The following SPTBN5 variants were observed in gnomAD, a reference collection of about 807,000 sequenced individuals.
SPTBN5 encodes the protein spectrin beta, non-erythrocytic 5, also known as spectrin beta chain, non-erythrocytic 5.
In SPTBN5, 513 loss-of-function variants were observed where a neutral mutation model predicts 477.6. The ratio of observed to expected loss-of-function variants is 1.07; its 90% confidence interval spans 1.00 to 1.16. SPTBN5 has a LOEUF of 1.16. Ranked by LOEUF, SPTBN5 falls within the 50% of genes most tolerant of loss-of-function variation. SPTBN5 has a pLI of 0.00. For missense variants in SPTBN5, 5,062 were observed against 4,731.8 expected, an observed-to-expected ratio of 1.07 and a Z score of -2.05; for synonymous variants, 2,169 against 2,011.7, an observed-to-expected ratio of 1.08 and a Z score of -2.09.
chr15:41,850,145 G>A (rs139039594), intron 66 of SPTBN5, 186 bp from the exon 67 acceptor site: 464 of 593,828 alleles, frequency 7.8e-4, no homozygotes, highest in African/African-American at 7.7e-3. Flanking sequence ...TCCCCCATGC[G>A]TCCTGCCTCT....
Position 41,854,836 on chromosome 15 carries a change from G to A in SPTBN5, c.9564C>T (p.Ser3188=). 6.3e-7 allele frequency: 1 copy of A among 1,596,344 alleles called. No individual in the cohort carries two copies. The highest frequency in any genetic ancestry group is 1.1e-5 in the South Asian group (1 of 88,404). The change falls in exon 56 of 68, where the codon AGC becomes AGT. Residue 3188 remains serine (S), a synonymous_variant. Transcript: ENST00000320955. Reference sequence around the variant, plus strand: ...ACCTCTCCCAAGCAGCCTCAATGCGGCTCCTCTGGGCTTGGATGTGGGGAT... The same window carrying A: ...ACCTCTCCCAAGCAGCCTCAATGCGACTCCTCTGGGCTTGGATGTGGGGAT... ...RRYPHIQAQR[S]RIEAAWERLD... is the part of the protein sequence containing the mutation.
At position 41,857,317 on chromosome 15, in the gene SPTBN5, C is replaced by T. The variant is rs368418064; in HGVS notation, c.8542G>A (p.Gly2848Ser). 6.4e-7 allele frequency: 1 copy of T among 1,568,170 alleles called. No individual in the cohort carries two copies. The highest frequency in any genetic ancestry group is 8.6e-7 in the Non-Finnish European group (1 of 1,157,104). Residue 2848 changes from glycine to serine, a missense_variant, in exon 51 of 68, where the codon GGC (glycine) becomes AGC (serine). Transcript: ENST00000320955. ...TCCCTCACAAAGGCCTGGGCCTGGC[C>T]CAGCAGTGCCTCAGCCTGCCTGGCC... ...KKARQAEALLGQAQAFVREGH... is the reference protein window; with the variant it reads ...KKARQAEALLSQAQAFVREGH...
chr15:41,866,844 G>A, intron 36 of SPTBN5, 115 bp downstream of exon 36: 5 of 1,335,128 alleles, frequency 3.7e-6, no homozygotes, highest in Middle Eastern at 2.1e-4. Context: ...CAGCCTCTGG[G>A]AAAGCCATCC....
rs781250356 is a variant in SPTBN5 at position 41,890,121 on chromosome 15, G to T, written c.469C>A (p.Arg157Ser). ...AAGGAGATGTGGGAGATCTGGAAAC[G>T]CAGAATGATGACCCAGATGAGTCCC... ...ILGLIWVIIL[R>S]FQISHISLDK... is the part of the protein sequence containing the mutation. The change falls in exon 4 of 68, where the codon CGT becomes AGT. Residue 157 changes from arginine (R) to serine (S), a missense_variant. Coordinates refer to ENST00000320955, the MANE Select transcript of SPTBN5 (RefSeq NM_016642.4). The T allele has an allele frequency of 6.2e-7, 1 of 1,612,586 alleles. No homozygotes were observed.
intron 66 of SPTBN5, 124 bp from the exon 67 acceptor site, chr15:41,850,083 G>C: frequency 1.2e-6 from 1 of 821,872 alleles, no homozygotes; most frequent in Non-Finnish European, 2.0e-6. Flanking sequence ...GCTATGCCAG[G>C]CCCTTCCCAC....
intron 62 of SPTBN5, 70 bp from the exon 63 acceptor site, chr15:41,851,920 T>G: frequency 1.6e-6 from 2 of 1,243,224 alleles, no homozygotes; most frequent in Non-Finnish European, 2.3e-6. Context: ...AGGCACCCAC[T>G]GCCCCCAGCT....
intron 29 of SPTBN5, among the ~76,000 whole-genome samples, chr15:41,870,982 T>C (rs2066514754): frequency 6.6e-6 from 1 of 152,256 alleles, no homozygotes; most frequent in African/African-American, 2.4e-5. Flanking sequence ...GAGCAAGTCA[T>C]GACCTTGCCT....
Position 41,882,613 on chromosome 15 carries a change from T to C in SPTBN5, c.2018A>G (p.Gln673Arg), listed in dbSNP as rs376160803. ...GNAALGRDLSQIAGALQKHKA... is the reference protein window; with the variant it reads ...GNAALGRDLSRIAGALQKHKA... ...GTGTTTCTGCAGGGCGCCTGCGATC[T>C]GGCTGAGATCCCGGCCCAGGGCCGC... The change falls in exon 10 of 68, where the codon CAG (glutamine) becomes CGG (arginine). Residue 673 changes from glutamine to arginine, a missense_variant. Transcript: ENST00000320955. The C allele has an allele frequency of 1.3e-5, 21 of 1,605,604 alleles. 1 individual carries two copies. In the African/African-American group the frequency reaches 2.5e-4, roughly 19 times the overall value.
At chr15:41,864,084 C>A in intron 39 of SPTBN5, 60 bp from the exon 40 acceptor site, 2 of 1,429,620 alleles carry the variant, frequency 1.4e-6, no homozygotes, top group Non-Finnish European at 1.9e-6. Context: ...CTTCTTCCCA[C>A]CTCAGCAGGC....
Position 41,862,731 on chromosome 15 carries a change from T to C in SPTBN5, c.7263+59A>G, listed in dbSNP as rs932642631. ...GCCACCCAAGCCCCTCCTCCCCACT[T>C]GTGCCCAGGGTCCTACTCAGGAGAT... is the stretch of plus-strand genomic sequence containing the variant. On this transcript the variant is annotated intron_variant, in intron 42 of 67. Transcript: ENST00000320955. 4.7e-5 allele frequency: 73 copies of C among 1,542,850 alleles called. No individual in the cohort carries two copies. In the African/African-American group the frequency reaches 8.2e-4, roughly 17 times the overall value.
rs759663692 is a variant in SPTBN5, at chr15:41,877,250, G to T, written c.3577C>A (p.Leu1193Met). 3.7e-6 allele frequency: 6 copies of T among 1,613,866 alleles called. No individual in the cohort carries two copies. In the South Asian group the frequency reaches 5.5e-5, roughly 15 times the overall value. Residue 1193 changes from leucine (L) to methionine (M), a missense_variant, in exon 18 of 68, where the codon CTG becomes ATG. Coordinates refer to ENST00000320955, the MANE Select transcript of SPTBN5 (RefSeq NM_016642.4). ...LRVLGQQGQE[L>M]KVLWEQRQQW... is the part of the protein sequence containing the mutation. Reference sequence around the variant, plus strand: ...TGCCTCTGCTCCCACAAAACCTTCAGCTCCTGGCCCTGCTGCCCCAGGACC... The same window carrying T: ...TGCCTCTGCTCCCACAAAACCTTCATCTCCTGGCCCTGCTGCCCCAGGACC...
Position 41,882,932 on chromosome 15 carries a change from C to A in SPTBN5, c.1892+64G>T, listed in dbSNP as rs1396254398. 2.1e-6 allele frequency: 3 copies of A among 1,456,532 alleles called. No individual in the cohort carries two copies. In the African/African-American group the frequency reaches 4.2e-5, roughly 20 times the overall value. The allele number at this position is 1,456,532 out of a possible 1,614,324, so 90.2% of individuals were successfully genotyped here. On this transcript the variant is annotated intron_variant, in intron 9 of 67. Coordinates refer to ENST00000320955, the MANE Select transcript of SPTBN5 (RefSeq NM_016642.4). ...CAGGCCAACAGTACTTTAACCTGGG[C>A]AGGAGATAATTTGGGTTACAGAAAA...
chr15:41,880,341 G>C, intron 13 of SPTBN5, 29 bp from the exon 14 acceptor site: 1 of 1,572,500 alleles, frequency 6.4e-7, no homozygotes, highest in African/African-American at 1.3e-5. Context: ...AGGCTGGGGT[G>C]AGGGTCAGGG....
chr15:41,878,280 A>ACCCAGAG (rs963102276), intron 17 of SPTBN5, 62 bp downstream of exon 17: 56 of 1,561,156 alleles, frequency 3.6e-5, no homozygotes, highest in Admixed American at 7.0e-5. Context: ...CTGGGCCTGA[A>ACCCAGAG]CCCAGAGCCC....
At chr15:41,872,216 G>T in intron 27 of SPTBN5, 86 bp downstream of exon 27, 4 of 1,487,980 alleles carry the variant, frequency 2.7e-6, no homozygotes, top group Non-Finnish European at 2.7e-6. Context: ...CATGGGTTCT[G>T]ATTGACTTTG....
intron 60 of SPTBN5, 34 bp from the exon 61 acceptor site, chr15:41,852,769 TG>T (rs370153269): frequency 0.034 from 36,115 of 1,049,052 alleles, 45 homozygotes; most frequent in South Asian, 0.064. Context: ...ACGCCCAGCT[TG>T]GGGGGGGGGG....
chr15:41,869,955 C>A lies in SPTBN5; in HGVS notation c.5739G>T (p.Ala1913=). The A allele has an allele frequency of 6.5e-7, 1 of 1,549,272 alleles. No homozygotes were observed. Among genetic ancestry groups the A allele is most frequent in the Non-Finnish European group, 8.7e-7 (1 of 1,145,372 alleles). ...TCACAGCTTGCTGCCTCTGCTGCAC[C>A]GCATGGGCCTGAGGCCCCGGACACA... ...QKLCPGPQAH[A]VQQRQQAVTQ... Residue 1913 remains alanine (A), a synonymous_variant, in exon 32 of 68, where the codon GCG becomes GCT. Transcript: ENST00000320955.
chr15:41,878,504 G>A lies in SPTBN5; in HGVS notation c.3308C>T (p.Ala1103Val), dbSNP rs1399822698. 3 of 1,613,144 alleles carry A rather than the reference G, an allele frequency of 1.9e-6. No individual in the cohort carries two copies. Among genetic ancestry groups the A allele is most frequent in the East Asian group, 4.5e-5 (2 of 44,878 alleles). ...GCTCTCTTGCAGGAAGCTCTGCCGG[G>A]CCTGAGTCTCAGCCTGGCGCCGGGC... ...QRARRQAETQARQSFLQESQQ... is the reference protein window; with the variant it reads ...QRARRQAETQVRQSFLQESQQ... Residue 1103 changes from alanine to valine, a missense_variant, in exon 17 of 68, where the codon GCC becomes GTC. Coordinates refer to ENST00000320955, the MANE Select transcript of SPTBN5 (RefSeq NM_016642.4).
In SPTBN5 at chr15:41,883,200, T is replaced by C; in HGVS notation, c.1688A>G (p.Gln563Arg). ...CAGCTCCACCACTTCTGCCAGCTGC[T>C]GCCCACAGGCGGTGGACCTGGCCGG... is the stretch of plus-strand genomic sequence containing the variant. ...QEPARSTACGQQLAEVVELLQ... is the reference protein window; with the variant it reads ...QEPARSTACGRQLAEVVELLQ... Residue 563 changes from glutamine (Q) to arginine (R), a missense_variant, in exon 9 of 68, where the codon CAG (glutamine) becomes CGG (arginine). Gln to Arg is a conservative substitution (Grantham distance 43). Coordinates refer to ENST00000320955, the MANE Select transcript of SPTBN5 (RefSeq NM_016642.4). 1.2e-6 allele frequency: 2 copies of C among 1,612,088 alleles called. No homozygotes were observed.
Sources: allele counts gnomAD v4.1 joint callset (sites outside exome capture counted in the v4.1 genomes callset), GRCh38; gene constraint gnomAD v4.1.1; transcripts MANE v1.5; gene names NCBI Gene and HGNC (gene_info 2026-07-23, HGNC 2026-07-21).